TENM3: variants seen among roughly 807,000 people sequenced by gnomAD.
The protein encoded by TENM3 is teneurin transmembrane protein 3, also known as teneurin-3.
Under a neutral mutation model 255.1 loss-of-function variants are expected in TENM3, and 63 were observed. That is an observed-to-expected ratio of 0.25 (90% CI 0.20 to 0.30). The LOEUF is 0.30. Ranked by LOEUF, TENM3 falls within the 10% of genes least tolerant of loss-of-function variation. The probability of loss-of-function intolerance (pLI) is 1.00; values close to 1 mark genes in which losing one functional copy is unlikely to be tolerated. For synonymous variants in TENM3, 1,306 were observed against 1,322.3 expected (o/e 0.99, Z 0.27); for missense variants, 2,929 against 3,461.1 (o/e 0.85, Z 3.86).
At chr4:182,455,553 CTTTTTTTTTTT>C (rs568361419) in intron 3 of TENM3, among the ~76,000 whole-genome samples, 3 of 73,138 alleles carry the variant, frequency 4.1e-5, no homozygotes, top group African/African-American at 1.6e-4. Flanking sequence ...CATGGTATTT[CTTTTTTTTTTT>C]TTTTTTTTTT....
chr4:181,464,962 G>GA, the TENM3 span, among the ~76,000 whole-genome samples: 1 of 151,912 alleles, frequency 6.6e-6, no homozygotes, highest in Non-Finnish European at 1.5e-5. Flanking sequence ...TCAAAAAAAA[G>GA]AAAAAAAGTC....
At chr4:182,601,398 T>A (rs1747839909) in intron 4 of TENM3, among the ~76,000 whole-genome samples, 1 of 152,080 alleles carries the variant, frequency 6.6e-6, no homozygotes, top group Non-Finnish European at 1.5e-5. Flanking sequence ...ATTACTTCAG[T>A]GAAACTTTCC....
chr4:182,144,705 C>T (rs1304369547), exon 1 of TENM3: 2 of 145,892 alleles, frequency 1.4e-5, no homozygotes, highest in Non-Finnish European at 3.0e-5. Flanking sequence ...CGGGCGGACG[C>T]GGCGGCTGCT....
chr4:182,602,025 A>G (rs992060936), intron 4 of TENM3, among the ~76,000 whole-genome samples: 1 of 152,252 alleles, frequency 6.6e-6, no homozygotes, highest in Admixed American at 6.5e-5. Flanking sequence ...AAGTATGATC[A>G]GCGAAAGCTG....
At chr4:181,452,437 A>G in the TENM3 span, among the ~76,000 whole-genome samples, 1 of 152,154 alleles carries the variant, frequency 6.6e-6, no homozygotes, top group East Asian at 1.9e-4. Context: ...AGTTACCCCC[A>G]TGCTGCTGTT....
At chr4:182,660,415 C>G (rs1754133808) in intron 6 of TENM3, among the ~76,000 whole-genome samples, 1 of 152,188 alleles carries the variant, frequency 6.6e-6, no homozygotes, top group Non-Finnish European at 1.5e-5. Context: ...AATTACCACT[C>G]TCACCTCCTG....
At chr4:181,696,427 C>T in the TENM3 span, among the ~76,000 whole-genome samples, 23 of 152,248 alleles carry the variant, frequency 1.5e-4, no homozygotes, top group Non-Finnish European at 2.9e-4. Flanking sequence ...ATGCTGCATA[C>T]ATGAAAATTG....
At chr4:181,670,417 A>T in the TENM3 span, among the ~76,000 whole-genome samples, 1 of 152,210 alleles carries the variant, frequency 6.6e-6, no homozygotes, top group South Asian at 2.1e-4. Flanking sequence ...CCTCGAAATG[A>T]TCTACAGCAC....
the TENM3 span, among the ~76,000 whole-genome samples, chr4:181,570,720 G>A: frequency 6.6e-6 from 1 of 152,186 alleles, no homozygotes; most frequent in East Asian, 1.9e-4. Flanking sequence ...TAAAGGCAGA[G>A]AAGCTTCCTA....
chr4:182,646,206 A>G (rs78050004), intron 5 of TENM3, among the ~76,000 whole-genome samples: 1,535 of 152,342 alleles, frequency 0.01, 15 homozygotes, highest in Non-Finnish European at 0.016. Flanking sequence ...ATAAGGCTTC[A>G]GAAGAGCAGG....
the TENM3 span, among the ~76,000 whole-genome samples, chr4:181,999,723 A>G: frequency 6.6e-6 from 1 of 152,172 alleles, no homozygotes; most frequent in Non-Finnish European, 1.5e-5. Context: ...CAGCCCATCC[A>G]TAAGTTTCAT....
intron 3 of TENM3, among the ~76,000 whole-genome samples, chr4:182,455,594 C>T (rs1384260774): frequency 8.3e-6 from 1 of 120,146 alleles, no homozygotes; most frequent in South Asian, 2.9e-4. Flanking sequence ...CCGAGTCTCA[C>T]TAGGCTGACC....
At chr4:182,602,441 A>G (rs953499718) in intron 4 of TENM3, among the ~76,000 whole-genome samples, 15 of 152,316 alleles carry the variant, frequency 9.8e-5, no homozygotes, top group African/African-American at 3.6e-4. Context: ...CATTAGGTAT[A>G]TGGTCTCAAC....
At chr4:182,412,099 G>A (rs930571686) in intron 3 of TENM3, among the ~76,000 whole-genome samples, 1 of 152,180 alleles carries the variant, frequency 6.6e-6, no homozygotes, top group East Asian at 1.9e-4. Flanking sequence ...TGACTGAAAA[G>A]TCCAGAGAGG....
the TENM3 span, among the ~76,000 whole-genome samples, chr4:182,059,758 A>AG: frequency 7.2e-4 from 89 of 123,488 alleles, no homozygotes; most frequent in African/African-American, 5.0e-3. Context: ...AAAAAAAAAA[A>AG]AAAAGAAAAA....
intron 2 of TENM3, among the ~76,000 whole-genome samples, chr4:182,341,951 A>G (rs80023518): frequency 0.043 from 6,551 of 152,302 alleles, 339 homozygotes; most frequent in African/African-American, 0.12. Context: ...CAAGTCCCAC[A>G]TAAAGTGTGG....
chr4:181,457,109 A>G, the TENM3 span, among the ~76,000 whole-genome samples: 1 of 151,916 alleles, frequency 6.6e-6, no homozygotes, highest in African/African-American at 2.4e-5. Context: ...GAGAAAGTAA[A>G]TCAAACCTAA....
chr4:182,061,230 C>T, the TENM3 span, among the ~76,000 whole-genome samples: 2 of 152,062 alleles, frequency 1.3e-5, no homozygotes, highest in African/African-American at 4.8e-5. Context: ...TTGCAACTGG[C>T]GAGGAAGTGG....
intron 3 of TENM3, among the ~76,000 whole-genome samples, chr4:182,394,663 A>G (rs1366905796): frequency 6.6e-6 from 1 of 152,186 alleles, no homozygotes; most frequent in Non-Finnish European, 1.5e-5. Context: ...TCCTTTCCAC[A>G]GTTGCTTGAA....
Sources: gnomAD v4.1 joint callset for allele counts (sites outside exome capture counted in the v4.1 genomes callset) on GRCh38, gnomAD v4.1.1 for gene constraint, MANE v1.5 for transcripts, NCBI Gene and HGNC (gene_info 2026-07-23, HGNC 2026-07-21) for gene names.